The following SORCS1 variants were observed in gnomAD, a reference collection of about 807,000 sequenced individuals.
The protein encoded by SORCS1 is VPS10 domain-containing receptor SorCS1.
A neutral mutation model predicts 146.1 loss-of-function variants in SORCS1; 60 were observed. The observed-to-expected ratio is 0.41, with a 90% CI of 0.33 to 0.51. The LOEUF (loss-of-function observed/expected upper bound fraction) is 0.51. Ranked by LOEUF, SORCS1 falls within the 20% of genes least tolerant of loss-of-function variation. The pLI, the probability that SORCS1 is intolerant of heterozygous loss-of-function variation, is 0.21. For synonymous variants in SORCS1, 637 were observed against 584.0 expected (o/e 1.09, Z -1.31); for missense variants, 1,352 against 1,487.6 (o/e 0.91, Z 1.50).
At chr10:106,766,106 G>C (rs991931031) in intron 4 of SORCS1, among the ~76,000 whole-genome samples, 1 of 152,162 alleles carries the variant, frequency 6.6e-6, no homozygotes, top group Non-Finnish European at 1.5e-5. Context: ...CCTCCACACA[G>C]GCTCCTTAGG....
At chr10:106,912,062 G>C (rs1031631791) in intron 2 of SORCS1, among the ~76,000 whole-genome samples, 42 of 148,948 alleles carry the variant, frequency 2.8e-4, no homozygotes, top group African/African-American at 1.0e-3. Flanking sequence ...ACAGTGAGCT[G>C]AGATCCTGCC....
In SORCS1 at chr10:106,743,070, G is replaced by A. The variant is rs549233886; in HGVS notation, c.960-12956C>T. 8.2e-4 allele frequency among the ~76,000 whole-genome samples: 125 copies of A among 152,232 alleles called. 1 individual carries two copies. The highest frequency in any genetic ancestry group is 1.5e-3 in the South Asian group (7 of 4,822). Reference sequence around the variant, plus strand: ...CACACCTCTTAATTTATCTCATTTTGGGGTCTGTTTTTAAATCAGTAGTCC... The same window carrying A: ...CACACCTCTTAATTTATCTCATTTTAGGGTCTGTTTTTAAATCAGTAGTCC... On this transcript the variant is annotated intron_variant, in intron 5 of 25. Coordinates refer to ENST00000263054, the MANE Select transcript of SORCS1 (RefSeq NM_052918.5).
chr10:106,679,343 A>T lies in SORCS1; in HGVS notation c.1664-11T>A. The T allele has an allele frequency of 1.2e-6, 2 of 1,605,184 alleles. No homozygotes were observed. Among genetic ancestry groups the T allele is most frequent in the Non-Finnish European group, 8.5e-7 (1 of 1,173,708 alleles). The stretch of plus-strand genomic sequence containing the variant: ...CAGAACCTATATTACCTAGAAAGAG[A>T]AAGGTGCCATTAGTGAAAAGAACTT... On this transcript the variant is annotated splice_polypyrimidine_tract_variant and intron_variant, in intron 11 of 25. Transcript: ENST00000263054.
chr10:106,758,997 T>C (rs1244575448), intron 5 of SORCS1, among the ~76,000 whole-genome samples: 1 of 152,248 alleles, frequency 6.6e-6, no homozygotes, highest in Admixed American at 6.5e-5. Context: ...CCAGTTTGTT[T>C]GCAAATAGCT....
chr10:107,065,901 A>C (rs1317632729), intron 1 of SORCS1, among the ~76,000 whole-genome samples: 2 of 152,118 alleles, frequency 1.3e-5, no homozygotes, highest in Non-Finnish European at 2.9e-5. Context: ...TCATTTTAAA[A>C]AGTTGAGGCT....
chr10:106,784,257 T>C (rs1172086956), intron 3 of SORCS1, among the ~76,000 whole-genome samples: 1 of 151,768 alleles, frequency 6.6e-6, no homozygotes, highest in Non-Finnish European at 1.5e-5. Flanking sequence ...TAGCTGGGCG[T>C]GGTGGTGGGT....
intron 3 of SORCS1, among the ~76,000 whole-genome samples, chr10:106,798,745 C>A (rs1946718864): frequency 6.6e-6 from 1 of 152,168 alleles, no homozygotes; most frequent in Admixed American, 6.5e-5. Flanking sequence ...CCGCAATAAA[C>A]ATACGTATGC....
intron 1 of SORCS1, among the ~76,000 whole-genome samples, chr10:107,112,712 C>G (rs78986397): frequency 1.3e-3 from 195 of 152,006 alleles, no homozygotes; most frequent in African/African-American, 4.4e-3. Context: ...AAATGGCAAC[C>G]AAAAGAGAGC....
rs569690820 is a variant in SORCS1, at chr10:107,065,564, C to T, written c.558+98405G>A. On this transcript the variant is annotated intron_variant, in intron 1 of 25. Coordinates refer to ENST00000263054, the MANE Select transcript of SORCS1 (RefSeq NM_052918.5). ...TTAGGGTCTGGCTCAGTCACCCAGG[C>T]TAGAGTGCAGTGGCGTGATCTCAAC... Among the ~76,000 whole-genome samples, 10 of 144,344 alleles carry T rather than the reference C, an allele frequency of 6.9e-5. 1 individual carries two copies. Among genetic ancestry groups the T allele is most frequent in the African/African-American group, 2.7e-4 (10 of 36,546 alleles). The allele number at this position is 144,344 out of a possible 152,430, so 94.7% of individuals were successfully genotyped here. A position where few individuals can be genotyped will look rare whatever the true frequency, so the allele number is the denominator to read the frequency against.
chr10:106,796,389 T>C (rs1206932746), intron 3 of SORCS1, among the ~76,000 whole-genome samples: 1 of 152,170 alleles, frequency 6.6e-6, no homozygotes, highest in Non-Finnish European at 1.5e-5. Context: ...AAGATGTAGA[T>C]CTTCTTGACA....
chr10:107,094,714 A>C (rs1430734140), intron 1 of SORCS1, among the ~76,000 whole-genome samples: 4 of 152,220 alleles, frequency 2.6e-5, no homozygotes, highest in Non-Finnish European at 5.9e-5. Flanking sequence ...CAGAGAGGAC[A>C]CTATGCATTG....
At chr10:106,796,450 G>C (rs1175467242) in intron 3 of SORCS1, among the ~76,000 whole-genome samples, 1 of 152,018 alleles carries the variant, frequency 6.6e-6, no homozygotes, top group Non-Finnish European at 1.5e-5. Context: ...TTCCCTGAAG[G>C]AAAATTCTTC....
intron 2 of SORCS1, among the ~76,000 whole-genome samples, chr10:106,895,951 G>GTA (rs57578016): frequency 2.3e-4 from 35 of 150,968 alleles, no homozygotes; most frequent in East Asian, 1.2e-3. Flanking sequence ...GTGTGTGTGT[G>GTA]TATATATATA....
chr10:107,052,709 T>G (rs1348588468), intron 1 of SORCS1, among the ~76,000 whole-genome samples: 2 of 152,196 alleles, frequency 1.3e-5, no homozygotes, highest in Non-Finnish European at 2.9e-5. Context: ...TTCCTCTTCT[T>G]CTCATATATC....
intron 1 of SORCS1, among the ~76,000 whole-genome samples, chr10:107,144,754 G>A (rs546151864): frequency 3.3e-5 from 5 of 152,122 alleles, no homozygotes; most frequent in Non-Finnish European, 5.9e-5. Flanking sequence ...CTCCCCCTTC[G>A]GCACAGCTTT....
chr10:107,013,212 A>G (rs1202364978), intron 1 of SORCS1, among the ~76,000 whole-genome samples: 2 of 152,134 alleles, frequency 1.3e-5, no homozygotes, highest in Admixed American at 6.5e-5. Flanking sequence ...ACCTGCCTTA[A>G]GTATGTTTGG....
At chr10:106,628,772 A>G (rs1848253334) in intron 19 of SORCS1, among the ~76,000 whole-genome samples, 1 of 152,242 alleles carries the variant, frequency 6.6e-6, no homozygotes, top group African/African-American at 2.4e-5. Flanking sequence ...GAAGACAGAA[A>G]TAATCAGATG....
intron 1 of SORCS1, among the ~76,000 whole-genome samples, chr10:107,016,479 T>C (rs1428563156): frequency 2.0e-5 from 3 of 152,046 alleles, no homozygotes; most frequent in Admixed American, 2.0e-4. Flanking sequence ...CACTCCAGCC[T>C]GTGCAACAGA....
chr10:106,887,350 A>G (rs2900716), intron 2 of SORCS1, among the ~76,000 whole-genome samples: 44,241 of 152,160 alleles, frequency 0.29, 7,749 homozygotes, highest in Non-Finnish European at 0.4. Context: ...GTTAAAAAAT[A>G]GAAATCAAGA....
Sources: gnomAD v4.1 joint callset for allele counts (sites outside exome capture counted in the v4.1 genomes callset) on GRCh38, gnomAD v4.1.1 for gene constraint, MANE v1.5 for transcripts, NCBI Gene and HGNC (gene_info 2026-07-23, HGNC 2026-07-21) for gene names.